The following SMOC2 variants were observed in gnomAD, a reference collection of about 807,000 sequenced individuals.
SMOC2 encodes the protein SPARC related modular calcium binding 2.
In SMOC2, 39 loss-of-function variants were observed where a neutral mutation model predicts 61.4. The ratio of observed to expected loss-of-function variants is 0.64; its 90% CI spans 0.49 to 0.83. The LOEUF (loss-of-function observed/expected upper bound fraction) is 0.83, where lower values mean the gene tolerates loss of function less well. Among genes scored for constraint, SMOC2 ranks in the 40% least tolerant of loss-of-function variants. SMOC2 has a pLI of 0.00. For synonymous variants in SMOC2, 247 were observed against 239.9 expected, an observed-to-expected ratio of 1.03 and a Z score of -0.27; for missense variants, 556 against 592.9, an observed-to-expected ratio of 0.94 and a Z score of 0.65.
chr6:168,464,200 AAAGAG>A (rs2115006104), intron 1 of SMOC2, among the ~76,000 whole-genome samples: 1 of 151,252 alleles, frequency 6.6e-6, no homozygotes, highest in Non-Finnish European at 1.5e-5. Context: ...AAAAAAAAAA[AAAGAG>A]GAAGGAAGAA....
chr6:168,565,319 G>A (rs1191983983), intron 7 of SMOC2, among the ~76,000 whole-genome samples: 4 of 152,222 alleles, frequency 2.6e-5, no homozygotes, highest in South Asian at 2.1e-4. Flanking sequence ...GTCCAGGCCC[G>A]AGGTGCTGGC....
chr6:168,655,596 G>T, intron 11 of SMOC2: 1 of 346,836 alleles, frequency 2.9e-6, no homozygotes, highest in Non-Finnish European at 5.8e-6. Context: ...CGGCACATGT[G>T]TGCCAGATCC....
At chr6:168,471,942 T>C (rs967745007) in intron 1 of SMOC2, among the ~76,000 whole-genome samples, 1 of 152,272 alleles carries the variant, frequency 6.6e-6, no homozygotes, top group African/African-American at 2.4e-5. Context: ...ATATTCTGGA[T>C]AGCAGTTGCT....
intron 9 of SMOC2, among the ~76,000 whole-genome samples, chr6:168,615,429 G>T (rs1786050601): frequency 1.3e-5 from 1 of 78,934 alleles, no homozygotes; most frequent in Admixed American, 1.2e-4. Context: ...CCAGCACAGG[G>T]GGCCTCTTCA....
At chr6:168,454,489 G>A (rs557786049) in intron 1 of SMOC2, among the ~76,000 whole-genome samples, 3 of 152,116 alleles carry the variant, frequency 2.0e-5, no homozygotes, top group Middle Eastern at 3.4e-3. Context: ...CTCAGGACAC[G>A]TGCCCCCAAC....
At chr6:168,471,302 C>T (rs956431434) in intron 1 of SMOC2, among the ~76,000 whole-genome samples, 1 of 152,170 alleles carries the variant, frequency 6.6e-6, no homozygotes, top group African/African-American at 2.4e-5. Flanking sequence ...TTTATTAATT[C>T]TGCTCTAAGT....
At chr6:168,498,170 G>A (rs994108597) in intron 1 of SMOC2, among the ~76,000 whole-genome samples, 11 of 152,158 alleles carry the variant, frequency 7.2e-5, no homozygotes, top group African/African-American at 1.4e-4. Context: ...TGATTTCACC[G>A]AATAACACAG....
chr6:168,550,601 C>T (rs1784108763), intron 7 of SMOC2, among the ~76,000 whole-genome samples: 1 of 152,184 alleles, frequency 6.6e-6, no homozygotes, highest in Admixed American at 6.5e-5. Flanking sequence ...GCTCTGAAAT[C>T]ACTGCCTCCA....
At chr6:168,472,085 C>G (rs752635890) in intron 1 of SMOC2, among the ~76,000 whole-genome samples, 4 of 152,212 alleles carry the variant, frequency 2.6e-5, no homozygotes, top group Non-Finnish European at 5.9e-5. Context: ...CCTGCTATGG[C>G]TTGTGCTTTT....
At chr6:168,551,607 C>T (rs913530859) in intron 7 of SMOC2, among the ~76,000 whole-genome samples, 1 of 152,064 alleles carries the variant, frequency 6.6e-6, no homozygotes, top group African/African-American at 2.4e-5. Context: ...GCACCCACCA[C>T]CACACCCAGC....
intron 4 of SMOC2, among the ~76,000 whole-genome samples, chr6:168,533,851 A>G (rs141786957): frequency 6.4e-4 from 97 of 152,384 alleles, no homozygotes; most frequent in Non-Finnish European, 1.1e-3. Context: ...AAATGCACCG[A>G]AAATTGAGGC....
intron 8 of SMOC2, among the ~76,000 whole-genome samples, chr6:168,599,554 AC>A (rs1161164593): frequency 7.1e-5 from 5 of 70,110 alleles, no homozygotes; most frequent in African/African-American, 1.9e-4. Flanking sequence ...ACACACTCAT[AC>A]CCCCATACAC....
At chr6:168,627,415 G>C (rs377489765) in intron 9 of SMOC2, among the ~76,000 whole-genome samples, 1 of 152,254 alleles carries the variant, frequency 6.6e-6, no homozygotes, top group East Asian at 1.9e-4. Context: ...GCTCCATGCT[G>C]AGCTTTTAAT....
intron 3 of SMOC2, 105 bp downstream of exon 3, chr6:168,526,557 G>A (rs1027695665): frequency 5.7e-6 from 5 of 876,336 alleles, no homozygotes; most frequent in Admixed American, 2.0e-5. Context: ...AGAAGAAGCA[G>A]CGGGTTTGTT....
intron 1 of SMOC2, among the ~76,000 whole-genome samples, chr6:168,462,756 A>G (rs1355188353): frequency 2.0e-5 from 3 of 152,138 alleles, no homozygotes; most frequent in South Asian, 2.1e-4. Context: ...GAGAGTCTCC[A>G]TGTGTCGAGG....
chr6:168,473,837 G>A (rs549146596), intron 1 of SMOC2, among the ~76,000 whole-genome samples: 11 of 152,200 alleles, frequency 7.2e-5, no homozygotes, highest in East Asian at 1.9e-4. Flanking sequence ...GGGTGTGAGC[G>A]TGTGTGTGAG....
intron 1 of SMOC2, among the ~76,000 whole-genome samples, chr6:168,455,855 G>A (rs985590586): frequency 6.6e-6 from 1 of 152,336 alleles, no homozygotes; most frequent in Middle Eastern, 3.4e-3. Context: ...AATCAACGTG[G>A]ATTCAAAACC....
At chr6:168,664,358 T>C in intron 12 of SMOC2, 1 of 514,296 alleles carries the variant, frequency 1.9e-6, no homozygotes, top group Non-Finnish European at 3.5e-6. Context: ...TTAAGAAAAA[T>C]TTCTGAGTTT....
chr6:168,649,217 C>T (rs1787129132), intron 9 of SMOC2, among the ~76,000 whole-genome samples: 1 of 152,236 alleles, frequency 6.6e-6, no homozygotes, highest in Non-Finnish European at 1.5e-5. Context: ...GAGTGGGCTC[C>T]TGAGATTCCC....
Sources: gnomAD v4.1 joint callset for allele counts (sites outside exome capture counted in the v4.1 genomes callset) on GRCh38, gnomAD v4.1.1 for gene constraint, MANE v1.5 for transcripts, NCBI Gene and HGNC (gene_info 2026-07-23, HGNC 2026-07-21) for gene names.